The following DAPL1 variants were observed in gnomAD, a reference collection of about 807,000 sequenced individuals.
The protein encoded by DAPL1 is death associated protein like 1, also known as death-associated protein-like 1.
A neutral mutation model predicts 12.9 loss-of-function variants in DAPL1; 17 were observed. The ratio of observed to expected loss-of-function variants is 1.32; its 90% CI spans 0.90 to 1.98. DAPL1 has a LOEUF of 1.98. Among genes scored for constraint, DAPL1 ranks in the 30% most tolerant of loss-of-function variants. DAPL1 has a pLI of 0.00. For missense variants in DAPL1, 157 were observed against 125.7 expected (o/e 1.25, Z -1.19); for synonymous variants, 51 against 42.0 (o/e 1.21, Z -0.82).
chr2:158,804,724 G>C (rs1016987129), intron 2 of DAPL1, among the ~76,000 whole-genome samples: 1 of 152,198 alleles, frequency 6.6e-6, no homozygotes, highest in Non-Finnish European at 1.5e-5. Flanking sequence ...ATTGTTCCTA[G>C]GCTGGCCCTG....
chr2:158,805,457 A>G (rs1178559194), intron 2 of DAPL1, among the ~76,000 whole-genome samples: 1 of 152,188 alleles, frequency 6.6e-6, no homozygotes, highest in Non-Finnish European at 1.5e-5. Context: ...AGAATAGTGA[A>G]TGCATTCTGT....
intron 2 of DAPL1, among the ~76,000 whole-genome samples, chr2:158,805,395 A>C (rs1404699828): frequency 6.6e-6 from 1 of 152,182 alleles, no homozygotes. Flanking sequence ...CGTCCTCAAG[A>C]GTGGAGGTCA....
chr2:158,809,315 GC>G (rs2059217915), intron 3 of DAPL1, among the ~76,000 whole-genome samples: 1 of 125,352 alleles, frequency 8.0e-6, no homozygotes, highest in African/African-American at 3.1e-5. Context: ...CCGAGATCAC[GC>G]CACTGCACTC....
intron 3 of DAPL1, among the ~76,000 whole-genome samples, chr2:158,813,765 C>T (rs1011456976): frequency 6.6e-6 from 1 of 152,114 alleles, no homozygotes; most frequent in Non-Finnish European, 1.5e-5. Context: ...CCGTGTTAGC[C>T]AGGATGGTCT....
At chr2:158,814,088 T>C (rs2059247466) in intron 3 of DAPL1, among the ~76,000 whole-genome samples, 1 of 152,234 alleles carries the variant, frequency 6.6e-6, no homozygotes, top group Non-Finnish European at 1.5e-5. Flanking sequence ...CTCTCAAATA[T>C]GATTTAAAGC....
At chr2:158,806,996 G>A (rs978351832) in intron 2 of DAPL1, 59 bp from the exon 3 acceptor site, 3 of 1,250,588 alleles carry the variant, frequency 2.4e-6, no homozygotes, top group Non-Finnish European at 2.3e-6. Context: ...TAAATCATGT[G>A]GCCTTTTCAG....
intron 1 of DAPL1, among the ~76,000 whole-genome samples, chr2:158,801,002 C>T (rs183514611): frequency 1.3e-3 from 198 of 152,288 alleles, no homozygotes; most frequent in Admixed American, 5.1e-3. Context: ...GCCACCACAC[C>T]CAGCTAATTT....
At position 158,815,713 on chromosome 2, in the gene DAPL1, T is replaced by A. The variant is rs770936866; in HGVS notation, c.216T>A (p.Tyr72Ter). 6.2e-7 allele frequency: 1 copy of A among 1,611,512 alleles called. No individual in the cohort carries two copies. Among genetic ancestry groups the A allele is most frequent in the South Asian group, 1.1e-5 (1 of 91,000 alleles). ...TCCCTTCTCACCTTTAGCTCAACTA[T>A]AAATTTCCAGCAACAGTGCACATGG... ...ALNDALEKLNYKFPATVHMAH... is the reference protein window; with the variant it reads ...ALNDALEKLN The change falls in exon 4 of 4, where the codon TAT (tyrosine) becomes TAA (stop). Residue 72 changes from tyrosine (Y) to a stop codon, truncating the protein, a stop_gained. Transcript: ENST00000309950. LOFTEE classifies it high-confidence loss of function.
At position 158,803,726 on chromosome 2, in the gene DAPL1, A is replaced by C. The variant is rs191522533; in HGVS notation, c.59-556A>C. 3.6e-3 allele frequency among the ~76,000 whole-genome samples: 541 copies of C among 152,232 alleles called. 5 individuals are homozygous for C. The highest frequency in any genetic ancestry group is 0.012 in the African/African-American group (506 of 41,524). ...AACATCTGAGCTTGGCCAACACCGG[A>C]GTTTTGGGGTCTGGATGGAAGGTGG... On this transcript the variant is annotated intron_variant, in intron 1 of 3. Transcript: ENST00000309950.
chr2:158,808,930 G>A (rs1227617672), intron 3 of DAPL1, among the ~76,000 whole-genome samples: 1 of 152,142 alleles, frequency 6.6e-6, no homozygotes, highest in Non-Finnish European at 1.5e-5. Flanking sequence ...CATGTGATAT[G>A]CTTATGTCTT....
At chr2:158,804,477 A>G in intron 2 of DAPL1, 108 bp downstream of exon 2, 1 of 701,922 alleles carries the variant, frequency 1.4e-6, no homozygotes, top group Non-Finnish European at 2.3e-6. Flanking sequence ...GGAGGCAGCC[A>G]GAGAAGGGGG....
chr2:158,814,901 G>T (rs1264356239), intron 3 of DAPL1, among the ~76,000 whole-genome samples: 2 of 152,122 alleles, frequency 1.3e-5, no homozygotes, highest in South Asian at 2.1e-4. Flanking sequence ...AACTAGCATG[G>T]ACCCAAAAGG....
chr2:158,808,391 G>A (rs565986557), intron 3 of DAPL1, among the ~76,000 whole-genome samples: 11 of 152,324 alleles, frequency 7.2e-5, no homozygotes, highest in African/African-American at 2.6e-4. Flanking sequence ...GGGTTGTTAC[G>A]TGGAGACAAT....
chr2:158,804,945 G>A (rs2059192353), intron 2 of DAPL1, among the ~76,000 whole-genome samples: 1 of 152,160 alleles, frequency 6.6e-6, no homozygotes, highest in Non-Finnish European at 1.5e-5. Context: ...GAGAGCTGTG[G>A]GCTGGATCAG....
intron 3 of DAPL1, among the ~76,000 whole-genome samples, chr2:158,813,557 C>CTTTT (rs11355982): frequency 7.5e-6 from 1 of 132,894 alleles, no homozygotes; most frequent in South Asian, 2.4e-4. Flanking sequence ...TTTCCTTTTT[C>CTTTT]TTTTTTTTTT....
intron 1 of DAPL1, 105 bp from the exon 2 acceptor site, chr2:158,804,177 A>C: frequency 1.3e-6 from 1 of 765,602 alleles, no homozygotes; most frequent in South Asian, 2.1e-5. Flanking sequence ...GATCTTTAAA[A>C]AATAAGTTCA....
At chr2:158,810,800 G>A (rs2059226230) in intron 3 of DAPL1, among the ~76,000 whole-genome samples, 1 of 152,164 alleles carries the variant, frequency 6.6e-6, no homozygotes, top group Non-Finnish European at 1.5e-5. Flanking sequence ...TGGTATTCCT[G>A]CAGAAAACAG....
chr2:158,800,651 A>T (rs899113314), intron 1 of DAPL1, among the ~76,000 whole-genome samples: 5 of 152,134 alleles, frequency 3.3e-5, no homozygotes, highest in African/African-American at 1.2e-4. Context: ...CTCTGCCCTC[A>T]TGACAGCCCT....
intron 1 of DAPL1, among the ~76,000 whole-genome samples, chr2:158,796,157 C>G (rs762177432): frequency 5.9e-5 from 9 of 152,038 alleles, no homozygotes; most frequent in Non-Finnish European, 8.8e-5. Context: ...GGTGTACAGG[C>G]CTATTTTTAG....
Sources: gnomAD v4.1 joint callset for allele counts (sites outside exome capture counted in the v4.1 genomes callset) on GRCh38, gnomAD v4.1.1 for gene constraint, MANE v1.5 for transcripts, NCBI Gene and HGNC (gene_info 2026-07-23, HGNC 2026-07-21) for gene names.